The following SYNE1 variants were observed in gnomAD, a reference collection of about 807,000 sequenced individuals.
The protein encoded by SYNE1 is spectrin repeat containing nuclear envelope protein 1.
A neutral mutation model predicts 1,111.0 loss-of-function variants in SYNE1; 616 were observed. That is an observed-to-expected ratio of 0.55 (90% CI 0.52 to 0.59). The LOEUF is 0.59. SYNE1 is among the 20% of genes least tolerant of loss of function. The pLI is 0.00. For missense variants in SYNE1, 10,006 were observed against 10,417.0 expected (o/e 0.96, Z 1.72); for synonymous variants, 3,855 against 3,825.8 (o/e 1.01, Z -0.28).
intron 98 of SYNE1, among the ~76,000 whole-genome samples, chr6:152,276,314 C>T (rs550953449): frequency 5.9e-5 from 9 of 152,208 alleles, no homozygotes; most frequent in African/African-American, 1.9e-4. Context: ...GGGATACAGG[C>T]GTGAGCCACT....
intron 74 of SYNE1, among the ~76,000 whole-genome samples, chr6:152,343,156 CTTTT>C (rs11297257): frequency 1.5e-5 from 2 of 133,906 alleles, no homozygotes; most frequent in African/African-American, 5.6e-5. Flanking sequence ...GTTTTCTTTT[CTTTT>C]TTTTTTTTTT....
chr6:152,353,695 C>A lies in SYNE1; in HGVS notation c.10976G>T (p.Gly3659Val). The change falls in exon 68 of 146, where the codon GGA (glycine) becomes GTA (valine). Residue 3659 changes from glycine (G) to valine (V), a missense_variant. Gly to Val is a moderately radical substitution (Grantham distance 109, BLOSUM62 -3). This residue lies in a region of SYNE1 where 4,955 missense variants were observed against 5,017.2 expected (regional missense o/e 0.99). Transcript: ENST00000367255. ...TAYRDEVEEV[G>V]ARAQEILDES... is the part of the protein sequence containing the mutation. ...GTCCAGTATCTCCTGAGCTCTAGCT[C>A]CCACTTCCTCAACTTCATCTCTGTA... 6.2e-7 allele frequency: 1 copy of A among 1,614,164 alleles called. No individual in the cohort carries two copies.
At chr6:152,364,684 AGGAG>A (rs1337426637) in intron 63 of SYNE1, among the ~76,000 whole-genome samples, 159 bp downstream of exon 63, 2 of 104,580 alleles carry the variant, frequency 1.9e-5, no homozygotes, top group African/African-American at 8.1e-5. Flanking sequence ...GGAAGGAGGA[AGGAG>A]GAAGGAAGGA....
intron 14 of SYNE1, among the ~76,000 whole-genome samples, chr6:152,478,033 CTGGG>C (rs1291546750): frequency 2.0e-5 from 3 of 152,108 alleles, no homozygotes; most frequent in African/African-American, 7.2e-5. Context: ...TCTCAACATG[CTGGG>C]ATTATAAGTA....
chr6:152,561,302 A>G (rs1225302978), intron 3 of SYNE1, among the ~76,000 whole-genome samples: 1 of 152,156 alleles, frequency 6.6e-6, no homozygotes, highest in Non-Finnish European at 1.5e-5. Flanking sequence ...TTTTTCAAAA[A>G]ATAAATTTTA....
At chr6:152,153,167 T>A (rs1408225210) in intron 133 of SYNE1, among the ~76,000 whole-genome samples, 8 of 152,226 alleles carry the variant, frequency 5.3e-5, no homozygotes, top group Non-Finnish European at 1.2e-4. Context: ...GCTTTCCTTG[T>A]GAGAGCTGCT....
At chr6:152,541,419 T>C (rs1447304763) in intron 3 of SYNE1, among the ~76,000 whole-genome samples, 1 of 152,128 alleles carries the variant, frequency 6.6e-6, no homozygotes, top group Non-Finnish European at 1.5e-5. Flanking sequence ...CATCCTTGAT[T>C]TGGCTCTCAG....
rs561510236 is a variant in SYNE1, at chr6:152,226,571, TGAA to T, written c.21196-698_21196-696del. 5.3e-5 allele frequency among the ~76,000 whole-genome samples: 8 copies of T among 152,254 alleles called. 1 individual carries two copies. The South Asian group carries it at 1.4e-3, about 28-fold the overall frequency. On this transcript the variant is annotated intron_variant, in intron 115 of 145. Coordinates refer to ENST00000367255, the MANE Select transcript of SYNE1 (RefSeq NM_182961.4). The stretch of plus-strand genomic sequence containing the variant: ...AAATGTTCAAGAATGAAAAGCAAAA[TGAA>T]GAAAAGATCTGGAGCTCATACTGAA...
rs564886203 is a variant in SYNE1, at chr6:152,228,806, T to C, written c.21195+1741A>G. Among the ~76,000 whole-genome samples the C allele has an allele frequency of 2.6e-4, 40 of 152,284 alleles. No homozygotes were observed. In the South Asian group the frequency reaches 6.4e-3, roughly 24 times the overall value. On this transcript the variant is annotated intron_variant, in intron 115 of 145. Transcript: ENST00000367255. Reference sequence around the variant, plus strand: ...GATTACTTGTAGATTTTTGAATTTATGGCCTAAATCAGAAATACCACTGGC... The same window carrying C: ...GATTACTTGTAGATTTTTGAATTTACGGCCTAAATCAGAAATACCACTGGC...
At chr6:152,558,329 T>A (rs1342149945) in intron 3 of SYNE1, among the ~76,000 whole-genome samples, 1 of 152,166 alleles carries the variant, frequency 6.6e-6, no homozygotes, top group Non-Finnish European at 1.5e-5. Context: ...CAGTACTGGG[T>A]CCTTGCCTAC....
Position 152,176,515 on chromosome 6 carries a change from G to A in SYNE1, c.23506C>T (p.Leu7836Phe). The A allele has an allele frequency of 6.2e-7, 1 of 1,614,128 alleles. No individual in the cohort carries two copies. The highest frequency in any genetic ancestry group is 1.1e-5 in the South Asian group (1 of 91,080). ...IAIAQENKIQ[L>F]QQMGERLAKA... is the part of the protein sequence containing the mutation. ...GCAAGTCGTTCTCCCATTTGTTGGAGCTGTATTTTGTTCTCTTGAGCAATA... is the reference window on the plus strand; with the variant it reads ...GCAAGTCGTTCTCCCATTTGTTGGAACTGTATTTTGTTCTCTTGAGCAATA... Residue 7836 changes from leucine (L) to phenylalanine (F), a missense_variant, in exon 130 of 146, where the codon CTC (leucine) becomes TTC (phenylalanine). Physicochemically the swap from Leu to Phe is conservative, Grantham distance 22 (BLOSUM62 0). Coordinates refer to ENST00000367255, the MANE Select transcript of SYNE1 (RefSeq NM_182961.4).
chr6:152,251,998 A>G (rs199905619), intron 104 of SYNE1, among the ~76,000 whole-genome samples: 2 of 27,538 alleles, frequency 7.3e-5, no homozygotes, highest in Non-Finnish European at 1.5e-4. Context: ...GTCCGGGCAC[A>G]GTGGTTCATG....
chr6:152,633,241 C>G (rs1320587082), intron 2 of SYNE1, among the ~76,000 whole-genome samples: 1 of 152,164 alleles, frequency 6.6e-6, no homozygotes, highest in Non-Finnish European at 1.5e-5. Context: ...GGCTGTATAC[C>G]AATAAATAGT....
At chr6:152,239,727 A>T in intron 107 of SYNE1, 21 bp from the exon 108 acceptor site, 2 of 1,614,008 alleles carry the variant, frequency 1.2e-6, no homozygotes, top group South Asian at 2.2e-5. Context: ...TCAGGAAGAA[A>T]GAAGTCAGCA....
At chr6:152,225,668 G>A in intron 116 of SYNE1, 53 bp downstream of exon 116, 1 of 1,611,094 alleles carries the variant, frequency 6.2e-7, no homozygotes, top group Non-Finnish European at 8.5e-7. Context: ...CCCAGAGTTT[G>A]GACAGAGCTG....
intron 11 of SYNE1, among the ~76,000 whole-genome samples, chr6:152,494,526 C>T (rs1002320038): frequency 1.3e-5 from 2 of 152,164 alleles, no homozygotes; most frequent in Non-Finnish European, 2.9e-5. Context: ...GTATCTTCCA[C>T]ATCTATCATT....
chr6:152,156,767 G>C (rs1025838040), intron 131 of SYNE1, among the ~76,000 whole-genome samples: 3 of 152,048 alleles, frequency 2.0e-5, no homozygotes, highest in Non-Finnish European at 4.4e-5. Flanking sequence ...TAGATACCAA[G>C]GGCCTGTATA....
Position 152,256,723 on chromosome 6 carries a change from A to T in SYNE1, c.19015T>A (p.Tyr6339Asn). 6.2e-7 allele frequency: 1 copy of T among 1,614,042 alleles called. No homozygotes were observed. Among genetic ancestry groups the T allele is most frequent in the Non-Finnish European group, 8.5e-7 (1 of 1,179,924 alleles). ...TCTTGGGTTGGCACGTCCCCTTTGT[A>T]CAGTGGCACACCAGACAAGAGTCGA... ...PNRLLSGVPL[Y>N]KGDVPTQDKS... The change falls in exon 102 of 146, where the codon TAC (tyrosine) becomes AAC (asparagine). Residue 6339 changes from tyrosine (Y) to asparagine (N), a missense_variant. Physicochemically the swap from Tyr to Asn is moderately radical, Grantham distance 143. This residue lies in a region of SYNE1 where 2,182 missense variants were observed against 2,287.8 expected (regional missense o/e 0.95). Transcript: ENST00000367255.
intron 124 of SYNE1, among the ~76,000 whole-genome samples, chr6:152,209,154 T>C (rs1463694667): frequency 6.6e-6 from 1 of 152,208 alleles, no homozygotes; most frequent in Non-Finnish European, 1.5e-5. Flanking sequence ...CACTTCTCTA[T>C]TACAATAGTT....
Sources: gnomAD v4.1 joint callset for allele counts (sites outside exome capture counted in the v4.1 genomes callset) on GRCh38, gnomAD v4.1.1 for gene constraint, gnomAD v4.1.1 regional missense constraint, MANE v1.5 for transcripts, NCBI Gene and HGNC (gene_info 2026-07-23, HGNC 2026-07-21) for gene names.